CELF2: variants seen among roughly 807,000 people sequenced by gnomAD.
CELF2 encodes the protein CUGBP Elav-like family member 2.
A neutral mutation model predicts 62.6 loss-of-function variants in CELF2; 8 were observed. The ratio of observed to expected loss-of-function variants is 0.13; its 90% CI spans 0.07 to 0.23. The LOEUF is 0.23. Ranked by LOEUF, CELF2 falls within the 10% of genes least tolerant of loss-of-function variation. CELF2 has a pLI of 1.00. For missense variants in CELF2, 333 were observed against 671.0 expected, an observed-to-expected ratio of 0.50 and a Z score of 5.56; for synonymous variants, 258 against 250.0, an observed-to-expected ratio of 1.03 and a Z score of -0.30.
intron 1 of CELF2, among the ~76,000 whole-genome samples, chr10:11,128,378 C>T (rs2059068042): frequency 6.6e-6 from 1 of 152,098 alleles, no homozygotes; most frequent in Non-Finnish European, 1.5e-5. Context: ...TTTTTTGGTT[C>T]CATATGAACT....
chr10:10,667,012 G>T, the CELF2 span, among the ~76,000 whole-genome samples: 22 of 152,086 alleles, frequency 1.4e-4, no homozygotes, highest in South Asian at 1.7e-3. Flanking sequence ...TAAGCCAAAG[G>T]CCCTCTAAAA....
upstream of CELF2, among the ~76,000 whole-genome samples, chr10:11,003,474 C>T (rs1359129017): frequency 6.6e-6 from 1 of 152,150 alleles, no homozygotes; most frequent in Non-Finnish European, 1.5e-5. This position sits in a 1 kb window ranked among gnomAD's most constrained non-coding sequence, Gnocchi z 4.4. Context: ...TGGACAAAAC[C>T]GGTGGCTGGT....
intron 2 of CELF2, among the ~76,000 whole-genome samples, chr10:11,203,434 C>A (rs902525249): frequency 6.6e-6 from 1 of 152,116 alleles, no homozygotes; most frequent in Non-Finnish European, 1.5e-5. Context: ...TAATCAGGTA[C>A]ACTTATTTAA....
chr10:11,139,550 T>G (rs1456440330), intron 1 of CELF2, among the ~76,000 whole-genome samples: 1 of 152,246 alleles, frequency 6.6e-6, no homozygotes, highest in Non-Finnish European at 1.5e-5. Flanking sequence ...TAGTTACTTT[T>G]GGGGATGAAA....
chr10:11,222,946 C>G (rs781159719), intron 3 of CELF2, among the ~76,000 whole-genome samples: 1 of 152,184 alleles, frequency 6.6e-6, no homozygotes, highest in Non-Finnish European at 1.5e-5. Context: ...ACCTTCCACA[C>G]GTACACCTGT....
At chr10:10,580,926 G>C in the CELF2 span, among the ~76,000 whole-genome samples, 27 of 152,128 alleles carry the variant, frequency 1.8e-4, no homozygotes, top group African/African-American at 6.3e-4. Context: ...TGAGTGGTAA[G>C]GAATGATTTA....
At chr10:11,085,723 T>C (rs1472733759) in intron 1 of CELF2, among the ~76,000 whole-genome samples, 7 of 152,132 alleles carry the variant, frequency 4.6e-5, no homozygotes, top group Admixed American at 4.6e-4. Context: ...ATTGGGAGTT[T>C]TTTGTCCCCA....
chr10:10,633,466 A>T, the CELF2 span, among the ~76,000 whole-genome samples: 1 of 152,096 alleles, frequency 6.6e-6, no homozygotes, highest in Admixed American at 6.6e-5. Flanking sequence ...AACTGTTTGT[A>T]TCCATTGCTC....
chr10:11,146,101 A>G (rs910068001), intron 1 of CELF2, among the ~76,000 whole-genome samples: 69 of 152,310 alleles, frequency 4.5e-4, no homozygotes, highest in African/African-American at 2.4e-4. Flanking sequence ...CCAGGATTGC[A>G]TAGCAAGAAA....
At chr10:10,760,645 T>C in the CELF2 span, among the ~76,000 whole-genome samples, 1 of 152,154 alleles carries the variant, frequency 6.6e-6, no homozygotes, top group African/African-American at 2.4e-5. Flanking sequence ...TACATGCTCC[T>C]AAGCAGGGAA....
upstream of CELF2, among the ~76,000 whole-genome samples, chr10:11,004,624 C>T (rs2054890953): frequency 1.3e-5 from 2 of 152,276 alleles, no homozygotes; most frequent in Admixed American, 6.5e-5. This position sits in a 1 kb window ranked among gnomAD's most constrained non-coding sequence, Gnocchi z 5.0. Context: ...TCGATGAGGA[C>T]TCCAGTGCCA....
chr10:11,082,996 ATTCCATTCATATAAGAATAGTG>A (rs2074432004), intron 1 of CELF2, among the ~76,000 whole-genome samples: 2 of 152,222 alleles, frequency 1.3e-5, no homozygotes, highest in African/African-American at 4.8e-5. Flanking sequence ...CAGATAAAAA[ATTCCATTCATATAAGAATAGTG>A]TTCCTCCTCT....
the CELF2 span, among the ~76,000 whole-genome samples, chr10:10,716,867 C>T: frequency 6.6e-6 from 1 of 152,116 alleles, no homozygotes; most frequent in Non-Finnish European, 1.5e-5. Context: ...AAGTTTGTGC[C>T]TAAATTTCAT....
At chr10:10,587,201 C>T in the CELF2 span, among the ~76,000 whole-genome samples, 3 of 152,150 alleles carry the variant, frequency 2.0e-5, no homozygotes, top group Admixed American at 2.0e-4. Context: ...CAACAGACCA[C>T]CCTTGGGCAG....
At chr10:11,190,775 TAAAAAAAA>T (rs11301213) in intron 2 of CELF2, among the ~76,000 whole-genome samples, 1,398 of 54,034 alleles carry the variant, frequency 0.026, 21 homozygotes, top group Non-Finnish European at 0.034. Context: ...CTCTTTTCTT[TAAAAAAAA>T]AAAAAAAAAA....
At chr10:11,222,688 C>A (rs995395964) in intron 3 of CELF2, among the ~76,000 whole-genome samples, 26 of 152,166 alleles carry the variant, frequency 1.7e-4, no homozygotes, top group Admixed American at 1.4e-3. Context: ...TATGCTTACA[C>A]GTGGTATGTG....
At chr10:10,544,741 A>G in the CELF2 span, among the ~76,000 whole-genome samples, 1 of 152,198 alleles carries the variant, frequency 6.6e-6, no homozygotes, top group Non-Finnish European at 1.5e-5. Context: ...GGAGAGAGAG[A>G]TAAGACAGAA....
the CELF2 span, chr10:10,786,557 A>G: frequency 1.3e-5 from 2 of 152,316 alleles, no homozygotes; most frequent in Admixed American, 6.5e-5. Context: ...AAATAGTTCT[A>G]TATTTCTCAA....
intron 2 of CELF2, among the ~76,000 whole-genome samples, chr10:10,989,297 A>G (rs2053170283): frequency 6.6e-6 from 1 of 152,180 alleles, no homozygotes; most frequent in Non-Finnish European, 1.5e-5. Context: ...AAAGGGAAGC[A>G]TAATGCTAAG....
Sources: gnomAD v4.1 joint callset for allele counts (sites outside exome capture counted in the v4.1 genomes callset) on GRCh38, gnomAD v4.1.1 for gene constraint, Gnocchi (gnomAD v3.1) non-coding constraint, MANE v1.5 for transcripts, NCBI Gene and HGNC (gene_info 2026-07-23, HGNC 2026-07-21) for gene names.